SYNPR: variants seen among roughly 807,000 people sequenced by gnomAD.
The protein encoded by SYNPR is synaptoporin.
In SYNPR, 23 loss-of-function variants were observed where a neutral mutation model predicts 32.9. That is an observed-to-expected ratio of 0.70 (90% CI 0.50 to 0.99). The LOEUF (loss-of-function observed/expected upper bound fraction) is 0.99. SYNPR is among the 50% of genes least tolerant of loss of function. The pLI, the probability that SYNPR is intolerant of heterozygous loss-of-function variation, is 0.00. For missense variants in SYNPR, 318 were observed against 349.3 expected, an observed-to-expected ratio of 0.91 and a Z score of 0.71; for synonymous variants, 146 against 135.9, an observed-to-expected ratio of 1.07 and a Z score of -0.52.
At chr3:63,516,973 T>C (rs17068883) in intron 3 of SYNPR, among the ~76,000 whole-genome samples, 2,756 of 152,266 alleles carry the variant, frequency 0.018, 76 homozygotes, top group African/African-American at 0.063. Flanking sequence ...TAACCTGTCT[T>C]GCAACATTTG....
intron 2 of SYNPR, among the ~76,000 whole-genome samples, chr3:63,290,140 A>AAAAAAAAAT (rs1408267807): frequency 1.5e-5 from 1 of 66,190 alleles, no homozygotes; most frequent in Non-Finnish European, 3.2e-5. Context: ...AAAAAACAAA[A>AAAAAAAAAT]AAACTCCTTT....
chr3:63,252,385 T>G (rs2086340150), intron 1 of SYNPR: 2 of 152,238 alleles, frequency 1.3e-5, no homozygotes, highest in African/African-American at 4.8e-5. Flanking sequence ...ATTCCATTTA[T>G]GAAGCATTTA....
At chr3:63,360,008 T>A (rs1553872964) in intron 2 of SYNPR, among the ~76,000 whole-genome samples, 10 of 152,194 alleles carry the variant, frequency 6.6e-5, no homozygotes, top group Non-Finnish European at 1.5e-5. Context: ...CATCTGATTC[T>A]CAAACATACA....
chr3:63,240,278 TTATTA>T (rs1387962764), intron 1 of SYNPR, among the ~76,000 whole-genome samples: 4 of 152,124 alleles, frequency 2.6e-5, no homozygotes, highest in African/African-American at 7.2e-5. Flanking sequence ...GTTAATTATA[TTATTA>T]TATGTTTTAC....
intron 2 of SYNPR, among the ~76,000 whole-genome samples, chr3:63,408,344 G>GAAAGAA: frequency 7.0e-6 from 1 of 143,884 alleles, no homozygotes; most frequent in Non-Finnish European, 1.5e-5. Flanking sequence ...AAGAAAGAAA[G>GAAAGAA]AAAGAAAGAA....
At chr3:63,253,040 GAA>G (rs200342050) in intron 2 of SYNPR, among the ~76,000 whole-genome samples, 4,105 of 123,996 alleles carry the variant, frequency 0.033, 173 homozygotes, top group African/African-American at 0.11. Context: ...CTCTGTCTCA[GAA>G]AAAAAAAAAA....
At chr3:63,312,219 G>A (rs907730095) in intron 2 of SYNPR, among the ~76,000 whole-genome samples, 8 of 151,958 alleles carry the variant, frequency 5.3e-5, no homozygotes, top group Non-Finnish European at 1.2e-4. Flanking sequence ...TTTTCTTCTA[G>A]ACATCCCTTT....
chr3:63,312,511 C>T (rs36093116), intron 2 of SYNPR, among the ~76,000 whole-genome samples: 128,734 of 151,822 alleles, frequency 0.85, 55,165 homozygotes, highest in African/African-American at 0.93. Context: ...CATCCATCTT[C>T]CCCTTCTGTC....
Position 63,540,865 on chromosome 3 carries a change from T to C in SYNPR, c.210-15678T>C, listed in dbSNP as rs150998322. Among the ~76,000 whole-genome samples, 290 of 148,482 alleles carry C rather than the reference T, an allele frequency of 2.0e-3. 1 individual carries two copies. The highest frequency in any genetic ancestry group is 6.8e-3 in the African/African-American group (274 of 40,264). ...TGAAGAACCCATTCAGTGAGGTTCATGTGAAATTTCACCTCCTATCACTCC... is the reference window on the plus strand; with the variant it reads ...TGAAGAACCCATTCAGTGAGGTTCACGTGAAATTTCACCTCCTATCACTCC... On this transcript the variant is annotated intron_variant, in intron 3 of 5. Transcript: ENST00000478300.
the SYNPR span, among the ~76,000 whole-genome samples, chr3:63,200,975 C>T: frequency 1.3e-5 from 2 of 152,010 alleles, no homozygotes; most frequent in East Asian, 1.9e-4. Flanking sequence ...TCTAGATGTA[C>T]CCAGGCAGTG....
At chr3:63,489,343 T>G in intron 3 of SYNPR, among the ~76,000 whole-genome samples, 1 of 152,174 alleles carries the variant, frequency 6.6e-6, no homozygotes. Context: ...TCCCTGGGAC[T>G]GCATGCAGAC....
At chr3:63,365,702 CA>C (rs1341601465) in intron 2 of SYNPR, among the ~76,000 whole-genome samples, 6 of 152,074 alleles carry the variant, frequency 3.9e-5, no homozygotes, top group Non-Finnish European at 8.8e-5. Flanking sequence ...GAATGTTATC[CA>C]GGGCAGAAAG....
chr3:63,301,535 A>G (rs528948214), intron 2 of SYNPR, among the ~76,000 whole-genome samples: 44 of 152,218 alleles, frequency 2.9e-4, no homozygotes, highest in Non-Finnish European at 5.1e-4. Context: ...CTACATCAAC[A>G]TTCACTATTT....
intron 4 of SYNPR, among the ~76,000 whole-genome samples, chr3:63,597,239 G>A (rs1041522791): frequency 6.6e-6 from 1 of 152,008 alleles, no homozygotes; most frequent in African/African-American, 2.4e-5. Context: ...TTTAAATTAA[G>A]TCATTTTTAA....
At chr3:63,479,446 G>GCGCGCGCATACACACACACA in intron 2 of SYNPR, among the ~76,000 whole-genome samples, 1 of 135,742 alleles carries the variant, frequency 7.4e-6, no homozygotes, top group African/African-American at 3.0e-5. Flanking sequence ...CCACACACAT[G>GCGCGCGCATACACACACACA]CACACACACA....
chr3:63,602,758 A>G (rs1447288885), intron 4 of SYNPR, among the ~76,000 whole-genome samples: 1 of 152,196 alleles, frequency 6.6e-6, no homozygotes, highest in Non-Finnish European at 1.5e-5. Context: ...GCCTTATAGT[A>G]TAGCTTGAAG....
In SYNPR at chr3:63,615,081, C is replaced by T. The variant is rs554504612; in HGVS notation, c.601-143C>T. The T allele has an allele frequency of 1.2e-5, 12 of 985,140 alleles. No individual in the cohort carries two copies. The East Asian group carries it at 1.3e-4, about 11-fold the overall frequency. 61.0% of individuals were successfully genotyped at this position (985,140 alleles called of 1,614,324 possible). On this transcript the variant is annotated intron_variant, in intron 5 of 5. Coordinates refer to ENST00000478300, the MANE Select transcript of SYNPR (RefSeq NM_001130003.2). ...AGGTCAAATATTCTAAATGAAATAC[C>T]GGTTCCAAATGGAAAACTTGGAAGC...
At chr3:63,466,537 T>C (rs899208663) in intron 2 of SYNPR, among the ~76,000 whole-genome samples, 1 of 152,112 alleles carries the variant, frequency 6.6e-6, no homozygotes, top group Non-Finnish European at 1.5e-5. Flanking sequence ...TGGTTGCCTC[T>C]CTTTTTGTGA....
intron 2 of SYNPR, among the ~76,000 whole-genome samples, chr3:63,398,860 G>T (rs1227053209): frequency 1.3e-5 from 2 of 152,206 alleles, no homozygotes; most frequent in African/African-American, 2.4e-5. Context: ...TGGGAAGAAG[G>T]TAAGGCCTGG....
Sources: gnomAD v4.1 joint callset for allele counts (sites outside exome capture counted in the v4.1 genomes callset) on GRCh38, gnomAD v4.1.1 for gene constraint, MANE v1.5 for transcripts, NCBI Gene and HGNC (gene_info 2026-07-23, HGNC 2026-07-21) for gene names.